USH1C: variants seen among roughly 807,000 people sequenced by gnomAD.
USH1C encodes the protein USH1 protein network component harmonin.
In USH1C, 90 loss-of-function variants were observed where a neutral mutation model predicts 119.3. The ratio of observed to expected loss-of-function variants is 0.75; its 90% CI spans 0.64 to 0.90. The LOEUF is 0.90. USH1C is among the 40% of genes least tolerant of loss of function. The pLI is 0.00. For synonymous variants in USH1C, 465 were observed against 443.3 expected, an observed-to-expected ratio of 1.05 and a Z score of -0.62; for missense variants, 1,165 against 1,167.7, an observed-to-expected ratio of 1.00 and a Z score of 0.03.
intron 16 of USH1C, 55 bp from the exon 17 acceptor site, chr11:17,510,576 A>C: frequency 2.3e-6 from 3 of 1,288,612 alleles, no homozygotes; most frequent in Non-Finnish European, 3.4e-6. Flanking sequence ...TTTGAATAAC[A>C]TGTGGATAGA....
At position 17,501,940 on chromosome 11, in the gene USH1C, A is replaced by G. The variant is rs200182990; in HGVS notation, c.2225T>C (p.Met742Thr). The G allele has an allele frequency of 1.8e-5, 29 of 1,613,556 alleles. No individual in the cohort carries two copies. The highest frequency in any genetic ancestry group is 1.2e-4 in the Admixed American group (7 of 59,940). The change falls in exon 21 of 27, where the codon ATG becomes ACG. Residue 742 changes from methionine to threonine, a missense_variant and splice_region_variant. Physicochemically the swap from Met to Thr is moderately conservative, Grantham distance 81. Transcript: ENST00000005226. ...KYEEGFDPYS[M>T]FTPEQIMGKD... ...CAGGAGAGAAGCGTCATCTCTTACC[A>G]TAGAGTAGGGGTCAAAGCCTTCCTC...
chr11:17,539,336 G>A (rs1032601940), intron 1 of USH1C, among the ~76,000 whole-genome samples: 2 of 152,152 alleles, frequency 1.3e-5, no homozygotes, highest in African/African-American at 4.8e-5. Context: ...TTGTGAGTGT[G>A]GTGGTAGAGC....
intron 15 of USH1C, among the ~76,000 whole-genome samples, chr11:17,514,869 G>A (rs1390398112): frequency 1.3e-5 from 2 of 150,384 alleles, no homozygotes; most frequent in Non-Finnish European, 2.9e-5. Flanking sequence ...ATTAGATTAA[G>A]GAATAGGGGA....
At position 17,520,973 on chromosome 11, in the gene USH1C, C is replaced by T. The variant is rs1850385344; in HGVS notation, c.1107G>A (p.Lys369=). 2.5e-6 allele frequency: 4 copies of T among 1,614,142 alleles called. No homozygotes were observed. Among genetic ancestry groups the T allele is most frequent in the Non-Finnish European group, 3.4e-6 (4 of 1,180,012 alleles). Residue 369 remains lysine, a synonymous_variant, in exon 14 of 27, where the codon AAG becomes AAA. Transcript: ENST00000005226. ...EMEQIVEEEE[K]FKKQWEEDWG... Reference sequence around the variant, plus strand: ...AGTCTTCTTCCCATTGCTTCTTAAACTTCTCTTCCTCCTCTACAATCCTAA... The same window carrying T: ...AGTCTTCTTCCCATTGCTTCTTAAATTTCTCTTCCTCCTCTACAATCCTAA...
chr11:17,531,475 G>A lies in USH1C; in HGVS notation c.172C>T (p.Leu58=), dbSNP rs200525985. Residue 58 remains leucine, a synonymous_variant, in exon 3 of 27, where the codon CTG becomes TTG. Transcript: ENST00000005226. This position sits in a 1 kb window ranked among gnomAD's most constrained non-coding sequence, Gnocchi z 4.2. Reference sequence around the variant, plus strand: ...ATCAGCGGCCGAATGGCATCAAACAGAGGCAGACGGCTGGGTTCATTGATG... The same window carrying A: ...ATCAGCGGCCGAATGGCATCAAACAAAGGCAGACGGCTGGGTTCATTGATG... ...LVINEPSRLP[L]FDAIRPLIPL... is the part of the protein sequence containing the mutation. 5 of 1,614,058 alleles carry A rather than the reference G, an allele frequency of 3.1e-6. No homozygotes were observed. In the East Asian group the frequency reaches 8.9e-5, roughly 29 times the overall value.
rs761957144 is a variant in USH1C at position 17,496,784 on chromosome 11, G to A, written c.2520C>T (p.Cys840=). The change falls in exon 25 of 27, where the codon TGC becomes TGT. Residue 840 remains cysteine, a synonymous_variant. Coordinates refer to ENST00000005226, the MANE Select transcript of USH1C (RefSeq NM_153676.4). ...GCTCATCGTCATACTCCTTTGGGGG[G>A]CAGACGGCAACCACAAGGTCGATCC... The part of the protein sequence containing the change: ...GDWIDLVVAV[C]PPKEYDDELA... The A allele has an allele frequency of 3.3e-5, 54 of 1,614,090 alleles. 2 individuals carry two copies. In the Middle Eastern group the frequency reaches 1.3e-3, roughly 39 times the overall value.
chr11:17,527,074 C>A (rs1245101035), intron 5 of USH1C, 34 bp from the exon 6 acceptor site: 98 of 1,503,824 alleles, frequency 6.5e-5, no homozygotes, highest in Non-Finnish European at 8.3e-5. Context: ...TAGGACAGCT[C>A]CCCCGCCCTC....
intron 4 of USH1C, among the ~76,000 whole-genome samples, chr11:17,527,789 CTGTA>C (rs1850777168): frequency 6.6e-6 from 1 of 152,230 alleles, no homozygotes; most frequent in Non-Finnish European, 1.5e-5. Flanking sequence ...TGCTACAACA[CTGTA>C]ACTGAGTCGG....
At chr11:17,542,055 C>T (rs1397812414) in intron 1 of USH1C, among the ~76,000 whole-genome samples, 1 of 152,208 alleles carries the variant, frequency 6.6e-6, no homozygotes. Context: ...AAGCTCCCCA[C>T]ACACATGTAG....
At chr11:17,500,207 G>T (rs186351702) in intron 23 of USH1C, among the ~76,000 whole-genome samples, 1 of 152,220 alleles carries the variant, frequency 6.6e-6, no homozygotes. Context: ...GAGACACAGG[G>T]TATGGGGGCC....
At chr11:17,511,870 T>C in intron 16 of USH1C, 32 bp downstream of exon 16, 1 of 1,601,890 alleles carries the variant, frequency 6.2e-7, no homozygotes, top group Non-Finnish European at 8.5e-7. Flanking sequence ...TGTCCCAGGG[T>C]TGCTTGCCTG....
At position 17,521,339 on chromosome 11, in the gene USH1C, T is replaced by C. The variant is rs1025205332; in HGVS notation, c.1085+7A>G. 7 of 1,613,958 alleles carry C rather than the reference T, an allele frequency of 4.3e-6. 1 individual carries two copies. The African/African-American group carries it at 5.3e-5, about 12-fold the overall frequency. ...TGCACAGACACGCGTGGAGCCGAGG[T>C]ACTCACTGTTCCATCTCCTTCCGGT... On this transcript the variant is annotated splice_region_variant and intron_variant, in intron 13 of 26. Coordinates refer to ENST00000005226, the MANE Select transcript of USH1C (RefSeq NM_153676.4).
At chr11:17,527,731 C>G (rs1243754175) in intron 4 of USH1C, among the ~76,000 whole-genome samples, 4 of 152,326 alleles carry the variant, frequency 2.6e-5, no homozygotes, top group Non-Finnish European at 4.4e-5. Flanking sequence ...CTTACCGGGA[C>G]TTTGTCCCAA....
intron 21 of USH1C, among the ~76,000 whole-genome samples, 198 bp from the exon 22 acceptor site, chr11:17,501,733 G>A (rs974008979): frequency 2.6e-5 from 4 of 152,220 alleles, no homozygotes; most frequent in South Asian, 4.1e-4. Flanking sequence ...ACACACACAC[G>A]TGCATGTGCA....
intron 8 of USH1C, among the ~76,000 whole-genome samples, chr11:17,525,073 G>A (rs545536066): frequency 1.3e-5 from 2 of 152,208 alleles, no homozygotes; most frequent in African/African-American, 2.4e-5. Flanking sequence ...TGACATTTAC[G>A]GCAAGGATGG....
chr11:17,505,830 C>T lies in USH1C; in HGVS notation c.2133G>A (p.Leu711=). 6.2e-7 allele frequency: 1 copy of T among 1,614,020 alleles called. No homozygotes were observed. Among genetic ancestry groups the T allele is most frequent in the Middle Eastern group, 1.7e-4 (1 of 6,054 alleles). ...IYRPAVKSEV[L]PQEMLKRMVV... is the part of the protein sequence containing the mutation. ...CCTGGAGGGGACCCAAGGGGCTTAC[C>T]AGAACTTCAGATTTCACAGCTGGCC... The change falls in exon 19 of 27, where the codon CTG becomes CTA. Residue 711 remains leucine, a splice_region_variant and synonymous_variant. Coordinates refer to ENST00000005226, the MANE Select transcript of USH1C (RefSeq NM_153676.4).
intron 1 of USH1C, among the ~76,000 whole-genome samples, chr11:17,537,928 G>A (rs1851294141): frequency 6.6e-6 from 1 of 152,190 alleles, no homozygotes; most frequent in Admixed American, 6.5e-5. Flanking sequence ...CCCAACCTAT[G>A]CCTACTGGCT....
chr11:17,501,447 G>C (rs765522476), intron 22 of USH1C, 35 bp downstream of exon 22: 3 of 1,605,732 alleles, frequency 1.9e-6, no homozygotes, highest in Non-Finnish European at 1.7e-6. Context: ...CACAGAGAGG[G>C]ATGGCGGCCC....
In USH1C at chr11:17,526,739, G is replaced by C. The variant is rs1850694650; in HGVS notation, c.579+14C>G. ...ACCCCACCCAAACCCCATCACAGGA[G>C]GTCTGGCCCTTACCCCAGATTCCGA... On this transcript the variant is annotated intron_variant, in intron 7 of 26. Coordinates refer to ENST00000005226, the MANE Select transcript of USH1C (RefSeq NM_153676.4). 3.7e-6 allele frequency: 6 copies of C among 1,613,380 alleles called. No individual in the cohort carries two copies. The highest frequency in any genetic ancestry group is 5.1e-6 in the Non-Finnish European group (6 of 1,179,482).
Sources: gnomAD v4.1 joint callset for allele counts (sites outside exome capture counted in the v4.1 genomes callset) on GRCh38, gnomAD v4.1.1 for gene constraint, Gnocchi (gnomAD v3.1) non-coding constraint, MANE v1.5 for transcripts, NCBI Gene and HGNC (gene_info 2026-07-23, HGNC 2026-07-21) for gene names.